Variants in SOX5 observed in about 807,000 individuals in gnomAD.
The protein encoded by SOX5 is transcription factor SOX-5.
SOX5 carries 9 observed loss-of-function variants against 92.0 expected under a neutral mutation model. The observed-to-expected ratio is 0.10, with a 90% confidence interval of 0.06 to 0.17. The LOEUF (loss-of-function observed/expected upper bound fraction) is 0.17, where lower values mean the gene tolerates loss of function less well. SOX5 is among the 10% of genes least tolerant of loss of function. The pLI is 1.00. For synonymous variants in SOX5, 344 were observed against 336.3 expected (o/e 1.02, Z -0.25); for missense variants, 642 against 944.5 (o/e 0.68, Z 4.20).
chr12:24,337,929 C>A (rs1352593072), intron 2 of SOX5, among the ~76,000 whole-genome samples: 1 of 150,664 alleles, frequency 6.6e-6, no homozygotes, highest in African/African-American at 2.4e-5. Context: ...CAATGTGACA[C>A]ACAAAATTTT....
chr12:24,357,171 G>A (rs1171381250), intron 2 of SOX5, among the ~76,000 whole-genome samples: 1 of 152,186 alleles, frequency 6.6e-6, no homozygotes, highest in East Asian at 1.9e-4. Flanking sequence ...ATGGTGGGGA[G>A]AAATAATGAC....
chr12:23,952,634 C>T (rs1265531641), upstream of SOX5, among the ~76,000 whole-genome samples: 1 of 152,124 alleles, frequency 6.6e-6, no homozygotes, highest in African/African-American at 2.4e-5. Context: ...ATTTCTTGCA[C>T]AATCATCTAT....
chr12:24,142,662 G>A (rs988774646), intron 4 of SOX5, among the ~76,000 whole-genome samples: 1 of 151,920 alleles, frequency 6.6e-6, no homozygotes, highest in African/African-American at 2.4e-5. Flanking sequence ...TCAGGCAACA[G>A]AGAACACTTA....
intron 1 of SOX5, among the ~76,000 whole-genome samples, chr12:24,431,859 T>C (rs1249080029): frequency 1.3e-5 from 2 of 152,190 alleles, no homozygotes; most frequent in Non-Finnish European, 2.9e-5. Flanking sequence ...TTCTTGATGA[T>C]AATGGCACCT....
rs567248668 is a variant in SOX5 at position 23,631,969 on chromosome 12, A to G, written c.1017+8843T>C. Among the ~76,000 whole-genome samples the G allele has an allele frequency of 2.6e-4, 40 of 152,252 alleles. No homozygotes were observed. The South Asian group carries it at 8.3e-3, about 32-fold the overall frequency. Reference sequence around the variant, plus strand: ...GGTTCTTCCTTAAAGGGGATTCTCGACAAACTGCTGGGCTCTGACTCTAGC... The same window carrying G: ...GGTTCTTCCTTAAAGGGGATTCTCGGCAAACTGCTGGGCTCTGACTCTAGC... On this transcript the variant is annotated intron_variant, in intron 8 of 14. Coordinates refer to ENST00000451604, the MANE Select transcript of SOX5 (RefSeq NM_006940.6).
intron 1 of SOX5, among the ~76,000 whole-genome samples, chr12:24,383,905 G>T (rs1229547921): frequency 3.9e-5 from 6 of 152,160 alleles, no homozygotes; most frequent in African/African-American, 9.7e-5. Context: ...AAGTGTTGCG[G>T]AAGGGAACCT....
chr12:23,853,906 A>G (rs2096660197), intron 2 of SOX5, among the ~76,000 whole-genome samples: 1 of 152,130 alleles, frequency 6.6e-6, no homozygotes, highest in Non-Finnish European at 1.5e-5. Flanking sequence ...AACAAAAGTT[A>G]GACTACAAAT....
rs117112230 is a variant in SOX5 at position 24,096,200 on chromosome 12, G to A, written c.-2+117143C>T. ...TGTTATATAGGTATACATGTACCGT[G>A]GTGGTTTGCTGCACCCATCAACCCA... On this transcript the variant is annotated intron_variant, in intron 4 of 4. Coordinates refer to the SOX5 transcript ENST00000446891. Among the ~76,000 whole-genome samples the A allele has an allele frequency of 6.0e-3, 915 of 152,172 alleles. 8 individuals are homozygous for A. Among genetic ancestry groups the A allele is most frequent in the South Asian group, 0.033 (157 of 4,814 alleles).
intron 4 of SOX5, among the ~76,000 whole-genome samples, chr12:24,102,558 C>A (rs558921874): frequency 1.3e-5 from 2 of 152,126 alleles, no homozygotes; most frequent in Admixed American, 1.3e-4. Context: ...GATTTCCATA[C>A]GTCATCTAGA....
chr12:24,390,891 C>T (rs374078578), intron 1 of SOX5, among the ~76,000 whole-genome samples: 14 of 152,146 alleles, frequency 9.2e-5, no homozygotes, highest in African/African-American at 2.6e-4. Context: ...GATAAACATG[C>T]GAATGCAGGT....
intron 3 of SOX5, among the ~76,000 whole-genome samples, chr12:23,770,473 T>C (rs1372804686): frequency 6.6e-6 from 1 of 152,148 alleles, no homozygotes; most frequent in Non-Finnish European, 1.5e-5. Flanking sequence ...GCTGGGTGTG[T>C]AAGGTGGAAT....
chr12:24,064,636 G>A (rs2137319777), intron 4 of SOX5, among the ~76,000 whole-genome samples: 1 of 152,134 alleles, frequency 6.6e-6, no homozygotes, highest in Non-Finnish European at 1.5e-5. Context: ...TGTTATTTTG[G>A]TTATTATCTG....
intron 1 of SOX5, among the ~76,000 whole-genome samples, chr12:24,494,390 A>T (rs1424136014): frequency 6.6e-6 from 1 of 152,252 alleles, no homozygotes; most frequent in African/African-American, 2.4e-5. Flanking sequence ...ACAGCAAATA[A>T]TAATACCTTT....
intron 4 of SOX5, among the ~76,000 whole-genome samples, chr12:24,068,678 G>A (rs868578571): frequency 1.7e-4 from 16 of 95,154 alleles, no homozygotes; most frequent in Middle Eastern, 5.4e-3. Flanking sequence ...GGTCAAAGTC[G>A]TATGTGTGTG....
chr12:24,303,893 A>G (rs917932745), intron 2 of SOX5, among the ~76,000 whole-genome samples: 1 of 152,204 alleles, frequency 6.6e-6, no homozygotes, highest in African/African-American at 2.4e-5. Flanking sequence ...AATTCTGTCA[A>G]TTAACTTATT....
intron 2 of SOX5, among the ~76,000 whole-genome samples, chr12:23,857,172 G>C (rs1196466461): frequency 1.3e-5 from 2 of 152,090 alleles, no homozygotes; most frequent in Non-Finnish European, 2.9e-5. Context: ...ATAATAAATA[G>C]AAGACTAATA....
intron 3 of SOX5, among the ~76,000 whole-genome samples, chr12:23,791,991 A>T (rs1001559065): frequency 2.6e-5 from 4 of 152,020 alleles, no homozygotes; most frequent in African/African-American, 9.7e-5. Context: ...ATATTAAATT[A>T]TCTCTTTCTA....
At chr12:24,371,866 T>A (rs557123647) in intron 1 of SOX5, among the ~76,000 whole-genome samples, 9 of 152,148 alleles carry the variant, frequency 5.9e-5, no homozygotes, top group South Asian at 4.2e-4. Flanking sequence ...CACACACCTA[T>A]AGTCCCAGCT....
chr12:24,261,188 C>T (rs1942033486), intron 3 of SOX5, among the ~76,000 whole-genome samples: 1 of 152,086 alleles, frequency 6.6e-6, no homozygotes. Flanking sequence ...ACTATATCTA[C>T]AGCAAAAGCA....
Sources: gnomAD v4.1 joint callset for allele counts (sites outside exome capture counted in the v4.1 genomes callset) on GRCh38, gnomAD v4.1.1 for gene constraint, MANE v1.5 for transcripts, NCBI Gene and HGNC (gene_info 2026-07-23, HGNC 2026-07-21) for gene names.